The following CCDC171 variants were observed in gnomAD, a reference collection of about 807,000 sequenced individuals.
The protein encoded by CCDC171 is coiled-coil domain-containing protein 171.
A neutral mutation model predicts 168.2 loss-of-function variants in CCDC171; 177 were observed. The ratio of observed to expected loss-of-function variants is 1.05; its 90% CI spans 0.93 to 1.19. The LOEUF (loss-of-function observed/expected upper bound fraction) is 1.19, where lower values mean the gene tolerates loss of function less well. Ranked by LOEUF, CCDC171 falls within the 50% of genes most tolerant of loss-of-function variation. The pLI, the probability that CCDC171 is intolerant of heterozygous loss-of-function variation, is 0.00. For synonymous variants in CCDC171, 687 were observed against 540.8 expected (o/e 1.27, Z -3.75); for missense variants, 1,991 against 1,539.0 (o/e 1.29, Z -4.91).
intron 23 of CCDC171, among the ~76,000 whole-genome samples, chr9:15,868,486 C>CGTGT (rs1333554991): frequency 3.3e-5 from 3 of 92,054 alleles, no homozygotes; most frequent in Non-Finnish European, 5.4e-5. Flanking sequence ...TGTGTGTACA[C>CGTGT]GTGTGTGTGT....
intron 24 of CCDC171, among the ~76,000 whole-genome samples, chr9:15,894,342 G>A (rs772318800): frequency 2.0e-5 from 3 of 152,026 alleles, no homozygotes; most frequent in Non-Finnish European, 4.4e-5. Flanking sequence ...ATACCTAGGT[G>A]ATGGGATGAT....
At chr9:15,894,715 C>T (rs1392540818) in intron 24 of CCDC171, among the ~76,000 whole-genome samples, 3 of 152,080 alleles carry the variant, frequency 2.0e-5, no homozygotes, top group African/African-American at 7.2e-5. Context: ...ATCCCTTTCT[C>T]TCGAATTTCC....
chr9:15,961,264 T>G (rs559107227), intron 25 of CCDC171, among the ~76,000 whole-genome samples: 4 of 152,152 alleles, frequency 2.6e-5, no homozygotes, highest in Non-Finnish European at 5.9e-5. Context: ...ACTAAATTTT[T>G]GACATTAAAT....
At chr9:15,642,314 C>CGTATATATATATATACACGTGTGTGTGT (rs1564118430) in intron 7 of CCDC171, among the ~76,000 whole-genome samples, 5 of 76,286 alleles carry the variant, frequency 6.6e-5, no homozygotes, top group African/African-American at 2.5e-4. Context: ...TATGTATACA[C>CGTATATATATATATACACGTGTGTGTGT]GTATATATAT....
chr9:15,639,278 T>C (rs2046418915), intron 7 of CCDC171, among the ~76,000 whole-genome samples: 1 of 152,096 alleles, frequency 6.6e-6, no homozygotes, highest in African/African-American at 2.4e-5. Flanking sequence ...ACCTGTGTTA[T>C]ACAGTCATAG....
intron 23 of CCDC171, among the ~76,000 whole-genome samples, chr9:15,866,032 C>G (rs934773712): frequency 6.6e-6 from 1 of 151,854 alleles, no homozygotes; most frequent in African/African-American, 2.4e-5. Context: ...GTGGCATGAG[C>G]AACAAGTTCA....
rs116254182 is a variant in CCDC171 at position 15,776,987 on chromosome 9, T to C, written c.2672-613T>C. Among the ~76,000 whole-genome samples, 1,472 of 152,316 alleles carry C rather than the reference T, an allele frequency of 9.7e-3. 27 individuals carry two copies. Among genetic ancestry groups the C allele is most frequent in the African/African-American group, 0.034 (1,407 of 41,568 alleles). On this transcript the variant is annotated intron_variant, in intron 18 of 25. Coordinates refer to ENST00000380701, the MANE Select transcript of CCDC171 (RefSeq NM_173550.4). ...TTACATGGCTTTATTAAGGCGTAAA[T>C]AAACCTATTAACCATTATCTGGAAT...
At chr9:15,768,039 A>T (rs956833311) in intron 18 of CCDC171, among the ~76,000 whole-genome samples, 4 of 149,816 alleles carry the variant, frequency 2.7e-5, no homozygotes, top group Non-Finnish European at 5.9e-5. Flanking sequence ...CCAGCCACTT[A>T]GCTATGTTTT....
At chr9:16,091,169 G>A in the CCDC171 span, among the ~76,000 whole-genome samples, 1 of 152,168 alleles carries the variant, frequency 6.6e-6, no homozygotes, top group Admixed American at 6.5e-5. Context: ...GCCTCAGAAT[G>A]TGTCCTCCTT....
intron 24 of CCDC171, among the ~76,000 whole-genome samples, chr9:15,896,404 T>C (rs80081161): frequency 0.01 from 1,546 of 152,188 alleles, 30 homozygotes; most frequent in African/African-American, 0.035. Flanking sequence ...AGAGCTATTA[T>C]ATTTACATCC....
chr9:15,861,215 T>TCC (rs74974235), intron 23 of CCDC171, among the ~76,000 whole-genome samples: 1 of 42,370 alleles, frequency 2.4e-5, no homozygotes, highest in Non-Finnish European at 5.1e-5. Flanking sequence ...TATAGTTGGA[T>TCC]CTTTTTTTTT....
chr9:16,024,073 G>A (rs978939070), intron 6 of CCDC171, among the ~76,000 whole-genome samples: 2 of 151,966 alleles, frequency 1.3e-5, no homozygotes, highest in Admixed American at 1.3e-4. Flanking sequence ...ATGGAGGAAG[G>A]GGCCATGAGC....
At chr9:15,754,755 C>T (rs189977283) in intron 18 of CCDC171, among the ~76,000 whole-genome samples, 75 of 152,204 alleles carry the variant, frequency 4.9e-4, no homozygotes, top group African/African-American at 1.7e-3. Flanking sequence ...TTTTACCTAT[C>T]TCATAGAGTT....
intron 7 of CCDC171, among the ~76,000 whole-genome samples, chr9:15,654,843 G>A (rs2047800870): frequency 6.6e-6 from 1 of 152,184 alleles, no homozygotes; most frequent in Non-Finnish European, 1.5e-5. Context: ...AGCCGAAGCA[G>A]AGTGAAGGAT....
At chr9:15,893,872 C>T (rs530332888) in intron 24 of CCDC171, among the ~76,000 whole-genome samples, 2 of 152,248 alleles carry the variant, frequency 1.3e-5, no homozygotes, top group Non-Finnish European at 2.9e-5. Flanking sequence ...CATGGCGATT[C>T]CTCAAAGACC....
chr9:15,982,395 T>A (rs936115917), intron 3 of CCDC171, among the ~76,000 whole-genome samples: 3 of 152,160 alleles, frequency 2.0e-5, no homozygotes, highest in African/African-American at 2.4e-5. Flanking sequence ...ATACCTTCTC[T>A]ACTGAGCTCT....
Position 15,623,398 on chromosome 9 carries a change from T to C in CCDC171, c.807T>C (p.Leu269=). The change falls in exon 7 of 26, where the codon CTT becomes CTC. Residue 269 remains leucine, a synonymous_variant. Transcript: ENST00000380701. ...TTAGCACTCAACGAGAGGAACGCCT[T>C]AGAAAAGAATTTGAGGTACATTTTC... ...LEFSTQREER[L]RKEFEATTLR... is the part of the protein sequence containing the mutation. 4 of 1,609,516 alleles carry C rather than the reference T, an allele frequency of 2.5e-6. No homozygotes were observed. The highest frequency in any genetic ancestry group is 3.4e-6 in the Non-Finnish European group (4 of 1,177,828).
At chr9:15,894,718 G>A (rs192040099) in intron 24 of CCDC171, among the ~76,000 whole-genome samples, 120 of 151,942 alleles carry the variant, frequency 7.9e-4, no homozygotes, top group African/African-American at 2.5e-3. Context: ...CCTTTCTCTC[G>A]AATTTCCACA....
At chr9:15,953,368 G>A (rs962885972) in intron 25 of CCDC171, among the ~76,000 whole-genome samples, 1 of 152,114 alleles carries the variant, frequency 6.6e-6, no homozygotes, top group Non-Finnish European at 1.5e-5. Context: ...TTCCTAGTTT[G>A]TTGAGAGTTT....
Sources: allele counts gnomAD v4.1 joint callset (sites outside exome capture counted in the v4.1 genomes callset), GRCh38; gene constraint gnomAD v4.1.1; transcripts MANE v1.5; gene names NCBI Gene and HGNC (gene_info 2026-07-23, HGNC 2026-07-21).